The following CFAP46 variants were observed in gnomAD, a reference collection of about 807,000 sequenced individuals.
CFAP46 encodes the protein cilia and flagella associated protein 46, also known as cilia- and flagella-associated protein 46.
Under a neutral mutation model 325.7 loss-of-function variants are expected in CFAP46, and 245 were observed. That is an observed-to-expected ratio of 0.75 (90% CI 0.68 to 0.84). The LOEUF (loss-of-function observed/expected upper bound fraction) is 0.84, where lower values mean the gene tolerates loss of function less well. Ranked by LOEUF, CFAP46 falls within the 40% of genes least tolerant of loss-of-function variation. CFAP46 has a pLI of 0.00. For missense variants in CFAP46, 3,346 were observed against 3,543.0 expected, an observed-to-expected ratio of 0.94 and a Z score of 1.41; for synonymous variants, 1,523 against 1,495.9, an observed-to-expected ratio of 1.02 and a Z score of -0.42.
rs751773246 is a variant in CFAP46, at chr10:132,808,568, G to C, written c.8001C>G (p.Ala2667=). ...GCAGACCCCATGGCGCACACAGGCA[G>C]GCAGAGCTCGAGGTCCAGGCGGCTG... The part of the protein sequence containing the change: ...RKAAAWTSSS[A]CLCAPWGLRR... The change falls in exon 58 of 58, where the codon GCC becomes GCG. Residue 2667 remains alanine (A), a synonymous_variant. Transcript: ENST00000368586. This position sits in a 1 kb window ranked among gnomAD's most constrained non-coding sequence, Gnocchi z 6.8. 2.5e-6 allele frequency: 4 copies of C among 1,612,886 alleles called. No homozygotes were observed. The South Asian group carries it at 4.4e-5, about 18-fold the overall frequency.
intron 27 of CFAP46, among the ~76,000 whole-genome samples, chr10:132,882,330 G>A (rs1277353204): frequency 6.6e-6 from 1 of 151,732 alleles, no homozygotes; most frequent in African/African-American, 2.4e-5. Context: ...GGCCTGTGGG[G>A]TGTAGTATAG....
chr10:132,921,974 C>T lies in CFAP46; in HGVS notation c.1606+130G>A, dbSNP rs368972747. The T allele has an allele frequency of 3.4e-6, 4 of 1,187,198 alleles. No homozygotes were observed. The African/African-American group carries it at 4.7e-5, about 14-fold the overall frequency. The allele number at this position is 1,187,198 out of a possible 1,614,324, so 73.5% of individuals were successfully genotyped here. On this transcript the variant is annotated intron_variant, in intron 13 of 57. Transcript: ENST00000368586. ...GGCGGGCCGAGATCGAAGGACACTGCCGGTGCAAGGTCCTTGTGCATCCAG... is the reference window on the plus strand; with the variant it reads ...GGCGGGCCGAGATCGAAGGACACTGTCGGTGCAAGGTCCTTGTGCATCCAG...
rs763797599 is a variant in CFAP46 at position 132,919,368 on chromosome 10, C to A, written c.1805G>T (p.Arg602Leu). ...GVWDVCRTASRFCLLYDNVKV... is the reference protein window; with the variant it reads ...GVWDVCRTASLFCLLYDNVKV... Reference sequence around the variant, plus strand: ...GACGTTGTCATACAGGAGGCAGAAGCGGCTCGCCGTCCGACAGACGTCCCA... The same window carrying A: ...GACGTTGTCATACAGGAGGCAGAAGAGGCTCGCCGTCCGACAGACGTCCCA... Residue 602 changes from arginine (R) to leucine (L), a missense_variant, in exon 15 of 58, where the codon CGC becomes CTC. Arg to Leu is a moderately radical substitution (Grantham distance 102). Transcript: ENST00000368586. This position sits in a 1 kb window ranked among gnomAD's most constrained non-coding sequence, Gnocchi z 9.7. The A allele has an allele frequency of 1.3e-6, 2 of 1,550,136 alleles. No homozygotes were observed. Among genetic ancestry groups the A allele is most frequent in the Non-Finnish European group, 1.7e-6 (2 of 1,146,898 alleles).
rs1848857882 is a variant in CFAP46 at position 132,869,033 on chromosome 10, G to A, written c.4610+241C>T. Among the ~76,000 whole-genome samples the A allele has an allele frequency of 1.3e-5, 2 of 152,328 alleles. No homozygotes were observed. The highest frequency in any genetic ancestry group is 2.4e-5 in the African/African-American group (1 of 41,590). ...CCAGCCTTTCTGTCCTCCGGGGAGG[G>A]GCTCGGGCCACCCTGGAGAGCCCCC... On this transcript the variant is annotated intron_variant, in intron 33 of 57. Coordinates refer to ENST00000368586, the MANE Select transcript of CFAP46 (RefSeq NM_001200049.3). This position sits in a 1 kb window ranked among gnomAD's most constrained non-coding sequence, Gnocchi z 6.2.
intron 33 of CFAP46, among the ~76,000 whole-genome samples, chr10:132,867,828 G>A (rs148687088): frequency 1.0e-3 from 158 of 152,094 alleles, no homozygotes; most frequent in African/African-American, 3.1e-3. Context: ...CACCCCCACC[G>A]GAAAGTTCGG....
chr10:132,941,092 G>T (rs773103461), intron 3 of CFAP46, 32 bp from the exon 4 acceptor site: 2 of 1,609,876 alleles, frequency 1.2e-6, no homozygotes, highest in East Asian at 2.2e-5. Flanking sequence ...CAATTAGACC[G>T]AAATACTGAC....
intron 35 of CFAP46, 22 bp downstream of exon 35, chr10:132,866,003 T>C (rs1848807245): frequency 6.8e-7 from 1 of 1,479,168 alleles, no homozygotes; most frequent in Non-Finnish European, 9.0e-7. Flanking sequence ...TGGATGGTGA[T>C]GGGCTGGGAG....
chr10:132,813,333 C>G (rs1165659624), intron 54 of CFAP46, among the ~76,000 whole-genome samples: 3 of 146,272 alleles, frequency 2.1e-5, no homozygotes, highest in African/African-American at 7.5e-5. Flanking sequence ...CCCTGCAGTG[C>G]CACCCTCTGC....
In CFAP46 at chr10:132,851,268, G is replaced by A. The variant is rs1342022589; in HGVS notation, c.5612C>T (p.Ala1871Val). Reference sequence around the variant, plus strand: ...TTCCACGAGGCCGAGCTTGAGGCGCGCCAGCTTCCTCATCAGGGGCGTGTT... The same window carrying A: ...TTCCACGAGGCCGAGCTTGAGGCGCACCAGCTTCCTCATCAGGGGCGTGTT... ...NVNTPLMRKL[A>V]RLKLGLVEMA... The change falls in exon 40 of 58, where the codon GCG (alanine) becomes GTG (valine). Residue 1871 changes from alanine (A) to valine (V), a missense_variant. Coordinates refer to ENST00000368586, the MANE Select transcript of CFAP46 (RefSeq NM_001200049.3). 24 of 1,613,866 alleles carry A rather than the reference G, an allele frequency of 1.5e-5. No individual in the cohort carries two copies. The highest frequency in any genetic ancestry group is 6.7e-5 in the East Asian group (3 of 44,902).
chr10:132,916,408 G>A, intron 17 of CFAP46, 141 bp downstream of exon 17: 3 of 922,122 alleles, frequency 3.3e-6, no homozygotes, highest in Non-Finnish European at 4.6e-6. Context: ...TCATTTACGT[G>A]ACGATGGACA....
At chr10:132,860,394 C>G in intron 37 of CFAP46, 23 bp downstream of exon 37, 2 of 1,507,750 alleles carry the variant, frequency 1.3e-6, no homozygotes, top group Non-Finnish European at 1.8e-6. Flanking sequence ...CGCTAATGAA[C>G]AGTGTTTCTT....
At position 132,851,275 on chromosome 10, in the gene CFAP46, T is replaced by A. The variant is rs1848539328; in HGVS notation, c.5605A>T (p.Lys1869Ter). Reference protein sequence around the residue: ...LQNVNTPLMRKLARLKLGLVE... With the variant: ...LQNVNTPLMR ...AGGCCGAGCTTGAGGCGCGCCAGCT[T>A]CCTCATCAGGGGCGTGTTGACGTTC... The change falls in exon 40 of 58, where the codon AAG (lysine) becomes TAG (stop). Residue 1869 changes from lysine (K) to a stop codon, truncating the protein, a stop_gained. Coordinates refer to ENST00000368586, the MANE Select transcript of CFAP46 (RefSeq NM_001200049.3). LOFTEE classifies it high-confidence loss of function. 1 of 1,614,000 alleles carries A rather than the reference T, an allele frequency of 6.2e-7. No homozygotes were observed. Among genetic ancestry groups the A allele is most frequent in the African/African-American group, 1.3e-5 (1 of 75,048 alleles).
chr10:132,904,391 G>A (rs2135502080), intron 22 of CFAP46, among the ~76,000 whole-genome samples: 1 of 84,850 alleles, frequency 1.2e-5, no homozygotes, highest in Middle Eastern at 6.4e-3. Flanking sequence ...CCAGGGCAGA[G>A]GGGCTCCCGC....
At position 132,941,686 on chromosome 10, in the gene CFAP46, T is replaced by C; in HGVS notation, c.211A>G (p.Met71Val). ...QPEVSEDCIQ[M>V]YFKVKAPITQ... ...ATGGGCGCCTTCACCTTGAAGTACA[T>C]TTGGATGCAGTCCTCGCTCACCTCT... Residue 71 changes from methionine (M) to valine (V), a missense_variant, in exon 3 of 58, where the codon ATG becomes GTG. By Grantham distance (21) the Met-to-Val change is conservative. Transcript: ENST00000368586. 1 of 1,613,974 alleles carries C rather than the reference T, an allele frequency of 6.2e-7. No homozygotes were observed. The highest frequency in any genetic ancestry group is 8.5e-7 in the Non-Finnish European group (1 of 1,180,012).
In CFAP46 at chr10:132,942,077, T is replaced by C; in HGVS notation, c.77A>G (p.Glu26Gly). ...QDAASLKKAY[E>G]LIKSANLGKS... is the part of the protein sequence containing the mutation. ...CCCTAGGTTGGCCGATTTGATCAAC[T>C]CGTAGGCCTTCTTCAAGGACGCAGC... The change falls in exon 2 of 58, where the codon GAG becomes GGG. Residue 26 changes from glutamate to glycine, a missense_variant. By Grantham distance (98) the Glu-to-Gly change is moderately conservative (BLOSUM62 -2). Coordinates refer to ENST00000368586, the MANE Select transcript of CFAP46 (RefSeq NM_001200049.3). 6.4e-7 allele frequency: 1 copy of C among 1,551,684 alleles called. No homozygotes were observed. The highest frequency in any genetic ancestry group is 1.7e-4 in the Middle Eastern group (1 of 5,990).
At chr10:132,837,429 ACACC>A (rs1404637739) in intron 44 of CFAP46, among the ~76,000 whole-genome samples, 1 of 149,008 alleles carries the variant, frequency 6.7e-6, no homozygotes, top group African/African-American at 2.6e-5. Context: ...ACGGACACAG[ACACC>A]CACCCGTGCA....
rs1343371419 is a variant in CFAP46 at position 132,876,834 on chromosome 10, T to C, written c.4340A>G (p.Asn1447Ser). ...LKQDRSDSTV[N>S]PSSIQKPTYS... The stretch of plus-strand genomic sequence containing the variant: ...TACCGGCTTCTGGATACTTGAGGGG[T>C]TCACAGTAGAGTCACTTCTGTCCTG... Residue 1447 changes from asparagine (N) to serine (S), a missense_variant, in exon 31 of 58, where the codon AAC (asparagine) becomes AGC (serine). Asn to Ser is a conservative substitution (Grantham distance 46, BLOSUM62 1). Coordinates refer to ENST00000368586, the MANE Select transcript of CFAP46 (RefSeq NM_001200049.3). The surrounding 1 kb of genome is among the most constrained non-coding windows in gnomAD (Gnocchi z 4.1). 1 of 1,549,982 alleles carries C rather than the reference T, an allele frequency of 6.5e-7. No individual in the cohort carries two copies.
At chr10:132,819,047 A>T (rs118140429) in intron 50 of CFAP46, among the ~76,000 whole-genome samples, 2,431 of 152,316 alleles carry the variant, frequency 0.016, 30 homozygotes, top group Non-Finnish European at 0.024. Context: ...TAGTATTTCT[A>T]TACATTACAA....
rs1195852263 is a variant in CFAP46 at position 132,884,119 on chromosome 10, A to G, written c.3627+984T>C. Among the ~76,000 whole-genome samples the G allele has an allele frequency of 1.3e-5, 2 of 152,174 alleles. No individual in the cohort carries two copies. Among genetic ancestry groups the G allele is most frequent in the East Asian group, 1.9e-4 (1 of 5,188 alleles). ...GGTCCTGCCTTCCCCAGCCGCCCGC[A>G]GCCTCCCCTCCTCAGGCCCTTCCTG... On this transcript the variant is annotated intron_variant, in intron 27 of 57. Transcript: ENST00000368586. This position sits in a 1 kb window ranked among gnomAD's most constrained non-coding sequence, Gnocchi z 5.4.
Sources: allele counts gnomAD v4.1 joint callset (sites outside exome capture counted in the v4.1 genomes callset), GRCh38; gene constraint gnomAD v4.1.1; non-coding constraint Gnocchi (gnomAD v3.1); transcripts MANE v1.5; gene names NCBI Gene and HGNC (gene_info 2026-07-23, HGNC 2026-07-21).